Variants in CELSR1 observed in about 807,000 individuals in gnomAD.
The protein encoded by CELSR1 is adhesion G protein-coupled receptor C1.
In CELSR1, 110 loss-of-function variants were observed where a neutral mutation model predicts 249.1. The observed-to-expected ratio is 0.44, with a 90% CI of 0.38 to 0.52. CELSR1 has a LOEUF of 0.52. Ranked by LOEUF, CELSR1 falls within the 20% of genes least tolerant of loss-of-function variation. CELSR1 has a pLI of 0.00. For missense variants in CELSR1, 4,109 were observed against 4,296.4 expected (o/e 0.96, Z 1.22); for synonymous variants, 2,113 against 1,900.0 (o/e 1.11, Z -2.92).
chr22:46,479,400 C>A (rs984524307), intron 1 of CELSR1, among the ~76,000 whole-genome samples: 1 of 152,074 alleles, frequency 6.6e-6, no homozygotes, highest in East Asian at 1.9e-4. Flanking sequence ...ACTGTCTGGG[C>A]CCTGCCCTGG....
Position 46,535,873 on chromosome 22 carries a change from C to A in CELSR1, c.1298G>T (p.Gly433Val). 1 of 1,610,388 alleles carries A rather than the reference C, an allele frequency of 6.2e-7. No individual in the cohort carries two copies. Residue 433 changes from glycine (G) to valine (V), a missense_variant, in exon 1 of 35, where the codon GGG (glycine) becomes GTG (valine). Physicochemically the swap from Gly to Val is moderately radical, Grantham distance 109. This residue lies in a region of CELSR1 where 673 missense variants were observed against 636.8 expected (regional missense o/e 1.06). Transcript: ENST00000674500. ...GGCACTGAGCGGGCCCGGATTGCGC[C>A]CCTGGTCGTTGGCCTCCACCAGGAG... ...YQLLVEANDQGRNPGPLSATA... is the reference protein window; with the variant it reads ...YQLLVEANDQVRNPGPLSATA...
At position 46,447,684 on chromosome 22, in the gene CELSR1, G is replaced by A. The variant is rs2079835740; in HGVS notation, c.4184-8273C>T. Among the ~76,000 whole-genome samples, 1 of 152,156 alleles carries A rather than the reference G, an allele frequency of 6.6e-6. No homozygotes were observed. ...GTCGCCCAGGCTGGAGTGCAATGGT[G>A]CGATCTCGGCTCACAACCTCCACCT... On this transcript the variant is annotated intron_variant, in intron 2 of 34. Coordinates refer to ENST00000674500, the MANE Select transcript of CELSR1 (RefSeq NM_001378328.1). This position sits in a 1 kb window ranked among gnomAD's most constrained non-coding sequence, Gnocchi z 4.7.
rs559781980 is a variant in CELSR1, at chr22:46,445,485, A to G, written c.4184-6074T>C. On this transcript the variant is annotated intron_variant, in intron 2 of 34. Coordinates refer to ENST00000674500, the MANE Select transcript of CELSR1 (RefSeq NM_001378328.1). The surrounding 1 kb of genome is among the most constrained non-coding windows in gnomAD (Gnocchi z 4.4). ...ACTCCAGCCTGGGTGACAGAGCAAG[A>G]CTGTCTCTAAAAAAATGAATAAAAA... Among the ~76,000 whole-genome samples the G allele has an allele frequency of 5.9e-5, 9 of 152,256 alleles. No homozygotes were observed. The highest frequency in any genetic ancestry group is 1.3e-4 in the Admixed American group (2 of 15,298).
Position 46,534,564 on chromosome 22 carries a change from G to C in CELSR1, c.2607C>G (p.Ile869Met), listed in dbSNP as rs778925805. ...GGGTGGTGGTGTCTGATTTCTGCGG[G>C]ATGCCGTTGTCCTGGGCCATGATGG... Reference protein sequence around the residue: ...TLTIMAQDNGIPQKSDTTTLE... With the variant: ...TLTIMAQDNGMPQKSDTTTLE... Residue 869 changes from isoleucine to methionine, a missense_variant, in exon 1 of 35, where the codon ATC becomes ATG. By Grantham distance (10) the Ile-to-Met change is conservative (BLOSUM62 1). Coordinates refer to ENST00000674500, the MANE Select transcript of CELSR1 (RefSeq NM_001378328.1). This position sits in a 1 kb window ranked among gnomAD's most constrained non-coding sequence, Gnocchi z 9.7. 5 of 1,613,750 alleles carry C rather than the reference G, an allele frequency of 3.1e-6. No individual in the cohort carries two copies. The East Asian group carries it at 6.7e-5, about 22-fold the overall frequency.
Position 46,377,078 on chromosome 22 carries a change from T to G in CELSR1, c.7567A>C (p.Asn2523His). The G allele has an allele frequency of 1.2e-6, 2 of 1,613,260 alleles. No individual in the cohort carries two copies. Among genetic ancestry groups the G allele is most frequent in the Non-Finnish European group, 1.7e-6 (2 of 1,179,860 alleles). Residue 2523 changes from asparagine to histidine, a missense_variant, in exon 24 of 35, where the codon AAC becomes CAC. Around this residue, in one of 7 missense-constraint regions of CELSR1, gnomAD observed 1,805 missense variants for 1,831.6 expected, o/e 0.99. Coordinates refer to ENST00000674500, the MANE Select transcript of CELSR1 (RefSeq NM_001378328.1). ...GGCCATACCGGGTTTTCCGTCTGGT[T>G]GATCCCAATCACGAACACCAGCTGA... ...LSQLVFVIGI[N>H]QTENPFLCTV...
In CELSR1 at chr22:46,393,904, G is replaced by A. The variant is rs2079121032; in HGVS notation, c.5964+238C>T. Among the ~76,000 whole-genome samples the A allele has an allele frequency of 6.6e-6, 1 of 152,210 alleles. No homozygotes were observed. The highest frequency in any genetic ancestry group is 2.4e-5 in the African/African-American group (1 of 41,446). ...TGTTCCACGGGCGGGGGCTGGCAGGGCTGAACCCGTAGTTTACACGTGGAA... is the reference window on the plus strand; with the variant it reads ...TGTTCCACGGGCGGGGGCTGGCAGGACTGAACCCGTAGTTTACACGTGGAA... On this transcript the variant is annotated intron_variant, in intron 14 of 34. Coordinates refer to ENST00000674500, the MANE Select transcript of CELSR1 (RefSeq NM_001378328.1). This position sits in a 1 kb window ranked among gnomAD's most constrained non-coding sequence, Gnocchi z 4.1.
At chr22:46,452,753 G>C (rs975972285) in intron 2 of CELSR1, among the ~76,000 whole-genome samples, 1 of 152,198 alleles carries the variant, frequency 6.6e-6, no homozygotes, top group African/African-American at 2.4e-5. Flanking sequence ...GTCCTACCTA[G>C]AGGGGACAGG....
rs1569170287 is a variant in CELSR1 at position 46,448,206 on chromosome 22, G to A, written c.4184-8795C>T. 6.6e-6 allele frequency among the ~76,000 whole-genome samples: 1 copy of A among 152,206 alleles called. No individual in the cohort carries two copies. Among genetic ancestry groups the A allele is most frequent in the Non-Finnish European group, 1.5e-5 (1 of 68,042 alleles). ...CTGGTCTGTGAACAAGGAAGGGGGT[G>A]CCCAGAGGGTCTCCACATCATTACA... On this transcript the variant is annotated intron_variant, in intron 2 of 34. Coordinates refer to ENST00000674500, the MANE Select transcript of CELSR1 (RefSeq NM_001378328.1). The surrounding 1 kb of genome is among the most constrained non-coding windows in gnomAD (Gnocchi z 5.7).
chr22:46,428,594 G>T lies in CELSR1; in HGVS notation c.4611+4799C>A, dbSNP rs1355133864. ...CTTGGTTGTCAAAACCGGGTTAGGGGAACAGCTGGAGTCTAGTGACCAGAG... is the reference window on the plus strand; with the variant it reads ...CTTGGTTGTCAAAACCGGGTTAGGGTAACAGCTGGAGTCTAGTGACCAGAG... On this transcript the variant is annotated intron_variant, in intron 5 of 34. Coordinates refer to ENST00000674500, the MANE Select transcript of CELSR1 (RefSeq NM_001378328.1). The surrounding 1 kb of genome is among the most constrained non-coding windows in gnomAD (Gnocchi z 5.7). 2.6e-5 allele frequency among the ~76,000 whole-genome samples: 4 copies of T among 152,250 alleles called. No homozygotes were observed. Among genetic ancestry groups the T allele is most frequent in the African/African-American group, 9.6e-5 (4 of 41,466 alleles).
intron 1 of CELSR1, among the ~76,000 whole-genome samples, chr22:46,470,121 T>C (rs1176080843): frequency 6.7e-6 from 1 of 150,290 alleles, no homozygotes; most frequent in Non-Finnish European, 1.5e-5. Context: ...GTTTGACTTT[T>C]TTTTTTTTAG....
intron 1 of CELSR1, among the ~76,000 whole-genome samples, chr22:46,466,306 G>A (rs1208045608): frequency 1.3e-5 from 2 of 152,246 alleles, no homozygotes; most frequent in Non-Finnish European, 2.9e-5. Flanking sequence ...CTGCCCTGGA[G>A]CAGGGTGGCC....
intron 1 of CELSR1, among the ~76,000 whole-genome samples, chr22:46,475,071 CT>C (rs1267501624): frequency 6.6e-6 from 1 of 152,130 alleles, no homozygotes; most frequent in East Asian, 1.9e-4. Flanking sequence ...CCGCATTATT[CT>C]GTTTCAAAGG....
chr22:46,488,524 G>A lies in CELSR1; in HGVS notation c.3545-24179C>T, dbSNP rs921348950. ...TGAACCCACACCAAGGCTGGACTCG[G>A]CACAGGCCAGAGGGAAGCCCCACAG... is the stretch of plus-strand genomic sequence containing the variant. On this transcript the variant is annotated intron_variant, in intron 1 of 34. Transcript: ENST00000674500. The surrounding 1 kb of genome is among the most constrained non-coding windows in gnomAD (Gnocchi z 4.7). Among the ~76,000 whole-genome samples, 6 of 152,170 alleles carry A rather than the reference G, an allele frequency of 3.9e-5. No individual in the cohort carries two copies. The highest frequency in any genetic ancestry group is 3.9e-4 in the Admixed American group (6 of 15,286).
rs773561584 is a variant in CELSR1 at position 46,397,794 on chromosome 22, C to T, written c.5581G>A (p.Ala1861Thr). 16 of 1,602,116 alleles carry T rather than the reference C, an allele frequency of 1.0e-5. No homozygotes were observed. The highest frequency in any genetic ancestry group is 3.4e-5 in the Admixed American group (2 of 59,060). Residue 1861 changes from alanine (A) to threonine (T), a missense_variant, in exon 12 of 35, where the codon GCA becomes ACA. Physicochemically the swap from Ala to Thr is moderately conservative, Grantham distance 58 (BLOSUM62 0). Transcript: ENST00000674500. Reference protein sequence around the residue: ...TNVATLNMNNALKVRVKDGCD... With the variant: ...TNVATLNMNNTLKVRVKDGCD... Reference sequence around the variant, plus strand: ...CCGTCCTTCACCCTGACCTTGAGTGCGTTGTTCATGTTCAGGGTGGCGACG... The same window carrying T: ...CCGTCCTTCACCCTGACCTTGAGTGTGTTGTTCATGTTCAGGGTGGCGACG...
intron 1 of CELSR1, among the ~76,000 whole-genome samples, chr22:46,487,303 A>C (rs1430490356): frequency 6.6e-6 from 1 of 151,864 alleles, no homozygotes; most frequent in Non-Finnish European, 1.5e-5. Context: ...ATTCATAATT[A>C]AAAACTATTT....
intron 1 of CELSR1, among the ~76,000 whole-genome samples, chr22:46,499,052 C>T (rs769487861): frequency 6.6e-6 from 1 of 151,880 alleles, no homozygotes; most frequent in East Asian, 1.9e-4. Context: ...TGGTGGCTCA[C>T]GCCTGTAATC....
Position 46,389,419 on chromosome 22 carries a change from T to G in CELSR1, c.6426A>C (p.Thr2142=). The change falls in exon 18 of 35, where the codon ACA becomes ACC. Residue 2142 remains threonine, a synonymous_variant. Transcript: ENST00000674500. ...TGCCAAAGAGCGTGCCCGTGTGCTG[T>G]GTAGCACTGCGCAGCGCCCTCACCA... is the stretch of plus-strand genomic sequence containing the variant. ...LQLVRALRSA[T]QHTGTLFGND... 1 of 1,612,792 alleles carries G rather than the reference T, an allele frequency of 6.2e-7. No individual in the cohort carries two copies. The highest frequency in any genetic ancestry group is 8.5e-7 in the Non-Finnish European group (1 of 1,179,984).
chr22:46,390,740 G>T lies in CELSR1; in HGVS notation c.6251-254C>A, dbSNP rs972156756. On this transcript the variant is annotated intron_variant, in intron 16 of 34. Coordinates refer to ENST00000674500, the MANE Select transcript of CELSR1 (RefSeq NM_001378328.1). The surrounding 1 kb of genome is among the most constrained non-coding windows in gnomAD (Gnocchi z 6.3). ...CAGCACTTCCGAGCAAGTCCGTGAG[G>T]AAAGAAATCAGCAACACCATCTGCC... Among the ~76,000 whole-genome samples, 1 of 152,190 alleles carries T rather than the reference G, an allele frequency of 6.6e-6. No individual in the cohort carries two copies. Among genetic ancestry groups the T allele is most frequent in the African/African-American group, 2.4e-5 (1 of 41,438 alleles).
At chr22:46,491,081 C>G (rs1426973234) in intron 1 of CELSR1, among the ~76,000 whole-genome samples, 1 of 152,010 alleles carries the variant, frequency 6.6e-6, no homozygotes, top group Non-Finnish European at 1.5e-5. Context: ...TTCTCCACCC[C>G]GGGCCCTTGG....
Sources: gnomAD v4.1 joint callset for allele counts (sites outside exome capture counted in the v4.1 genomes callset) on GRCh38, gnomAD v4.1.1 for gene constraint, gnomAD v4.1.1 regional missense constraint, Gnocchi (gnomAD v3.1) non-coding constraint, MANE v1.5 for transcripts, NCBI Gene and HGNC (gene_info 2026-07-23, HGNC 2026-07-21) for gene names.